The following DCC variants were observed in gnomAD, a reference collection of about 807,000 sequenced individuals.
The protein encoded by DCC is netrin receptor DCC.
In DCC, 58 loss-of-function variants were observed where a neutral mutation model predicts 172.5. That is an observed-to-expected ratio of 0.34 (90% CI 0.27 to 0.42). The LOEUF is 0.42. Among genes scored for constraint, DCC ranks in the 10% least tolerant of loss-of-function variants. The probability of loss-of-function intolerance (pLI) is 1.00; values close to 1 mark genes in which losing one functional copy is unlikely to be tolerated. For synonymous variants in DCC, 709 were observed against 644.5 expected, an observed-to-expected ratio of 1.10 and a Z score of -1.52; for missense variants, 1,740 against 1,791.0, an observed-to-expected ratio of 0.97 and a Z score of 0.51.
chr18:52,891,499 G>T (rs1216970269), intron 2 of DCC, among the ~76,000 whole-genome samples: 1 of 151,906 alleles, frequency 6.6e-6, no homozygotes, highest in East Asian at 1.9e-4. Context: ...AAACCTTGGG[G>T]GTCAACCTCT....
chr18:52,489,345 T>A (rs948794109), intron 1 of DCC, among the ~76,000 whole-genome samples: 12 of 152,136 alleles, frequency 7.9e-5, no homozygotes, highest in Non-Finnish European at 2.9e-5. Context: ...GACCTCAGTT[T>A]TCTACAATTA....
chr18:53,015,802 T>C (rs540104988), intron 5 of DCC, among the ~76,000 whole-genome samples: 20 of 152,224 alleles, frequency 1.3e-4, no homozygotes, highest in Non-Finnish European at 2.2e-4. Flanking sequence ...GAATTTTGAG[T>C]AAACTTATGT....
intron 7 of DCC, among the ~76,000 whole-genome samples, chr18:53,084,361 G>C (rs188307058): frequency 2.8e-4 from 42 of 152,132 alleles, no homozygotes; most frequent in Non-Finnish European, 5.4e-4. Context: ...ATCTCTCAAA[G>C]GACCCTCCCT....
At chr18:53,382,067 A>AC (rs1907789527) in intron 15 of DCC, among the ~76,000 whole-genome samples, 1 of 73,796 alleles carries the variant, frequency 1.4e-5, no homozygotes, top group East Asian at 3.8e-4. Context: ...CTGATTAAAA[A>AC]CAACACACAC....
chr18:52,971,387 T>C (rs1272541189), intron 5 of DCC, among the ~76,000 whole-genome samples: 1 of 152,100 alleles, frequency 6.6e-6, no homozygotes, highest in East Asian at 1.9e-4. Flanking sequence ...CCTATGACTC[T>C]AGTTAGTAGA....
At position 53,056,589 on chromosome 18, in the gene DCC, C is replaced by T. The variant is rs139115449; in HGVS notation, c.986-6716C>T. ...AGAGGTAGCCCAATTTGGCAGCAAA[C>T]TCATCCTAGACATTTGGTGTGATTA... On this transcript the variant is annotated intron_variant, in intron 5 of 28. Coordinates refer to ENST00000442544, the MANE Select transcript of DCC (RefSeq NM_005215.4). Among the ~76,000 whole-genome samples, 134 of 152,230 alleles carry T rather than the reference C, an allele frequency of 8.8e-4. 1 individual carries two copies. The highest frequency in any genetic ancestry group is 3.1e-3 in the African/African-American group (128 of 41,546).
chr18:52,457,812 A>G (rs1245338989), intron 1 of DCC, among the ~76,000 whole-genome samples: 1 of 152,208 alleles, frequency 6.6e-6, no homozygotes, highest in Non-Finnish European at 1.5e-5. Context: ...TTAATGTTAC[A>G]TTATCACTCA....
chr18:53,110,962 T>C (rs540320025), intron 7 of DCC, among the ~76,000 whole-genome samples: 198 of 120,596 alleles, frequency 1.6e-3, no homozygotes, highest in African/African-American at 5.9e-3. Context: ...ATGTTTATTG[T>C]GGCACTATTC....
At chr18:52,682,345 G>T (rs1842633128) in intron 1 of DCC, among the ~76,000 whole-genome samples, 1 of 152,042 alleles carries the variant, frequency 6.6e-6, no homozygotes, top group Non-Finnish European at 1.5e-5. Context: ...ATCCTGCTGG[G>T]ATAAAACATG....
At chr18:53,149,311 T>A (rs1051605701) in intron 7 of DCC, among the ~76,000 whole-genome samples, 1 of 152,162 alleles carries the variant, frequency 6.6e-6, no homozygotes, top group Non-Finnish European at 1.5e-5. Flanking sequence ...ATGCTAGGTA[T>A]GGTGAGCAGC....
At chr18:53,465,389 A>C (rs1024838561) in intron 24 of DCC, among the ~76,000 whole-genome samples, 32 of 152,240 alleles carry the variant, frequency 2.1e-4, no homozygotes, top group African/African-American at 6.7e-4. Flanking sequence ...CTCTTTTAGC[A>C]CTTGAAAAAT....
intron 2 of DCC, among the ~76,000 whole-genome samples, chr18:52,845,944 C>A (rs1184697953): frequency 1.3e-5 from 2 of 152,148 alleles, no homozygotes; most frequent in Non-Finnish European, 2.9e-5. Context: ...ACTTAAGTTT[C>A]CTTTTACTGT....
At chr18:53,061,466 G>A (rs1404496992) in intron 5 of DCC, among the ~76,000 whole-genome samples, 2 of 152,108 alleles carry the variant, frequency 1.3e-5, no homozygotes, top group African/African-American at 4.8e-5. Context: ...TAGACATAAT[G>A]ATTTCAGAAA....
intron 7 of DCC, among the ~76,000 whole-genome samples, chr18:53,150,531 C>A (rs898656615): frequency 2.0e-5 from 3 of 152,184 alleles, no homozygotes; most frequent in African/African-American, 7.2e-5. Context: ...ATCACAACAA[C>A]AATAACAAAA....
intron 7 of DCC, among the ~76,000 whole-genome samples, chr18:53,066,627 G>A (rs987914409): frequency 6.6e-6 from 1 of 151,024 alleles, no homozygotes; most frequent in African/African-American, 2.4e-5. Flanking sequence ...TTATATATGT[G>A]CATATATACG....
At chr18:52,990,278 C>T (rs999755398) in intron 5 of DCC, among the ~76,000 whole-genome samples, 11 of 152,144 alleles carry the variant, frequency 7.2e-5, no homozygotes, top group African/African-American at 1.9e-4. Context: ...CAGTGGCTCA[C>T]GCCTGTAATC....
chr18:53,501,384 A>G (rs1263657069), intron 27 of DCC, among the ~76,000 whole-genome samples: 2 of 152,198 alleles, frequency 1.3e-5, no homozygotes, highest in African/African-American at 4.8e-5. Context: ...AAATTTTAGA[A>G]ACTCATTTGT....
intron 5 of DCC, among the ~76,000 whole-genome samples, chr18:53,055,353 G>T (rs1011861742): frequency 1.3e-5 from 2 of 152,082 alleles, no homozygotes; most frequent in Non-Finnish European, 2.9e-5. Context: ...TTACACCTGT[G>T]TCAGGAAAAA....
At chr18:52,481,946 T>G (rs1598852628) in intron 1 of DCC, among the ~76,000 whole-genome samples, 1 of 152,146 alleles carries the variant, frequency 6.6e-6, no homozygotes, top group Non-Finnish European at 1.5e-5. Context: ...TAAAATGTAT[T>G]GTTACTTTCC....
Sources: gnomAD v4.1 joint callset for allele counts (sites outside exome capture counted in the v4.1 genomes callset) on GRCh38, gnomAD v4.1.1 for gene constraint, MANE v1.5 for transcripts, NCBI Gene and HGNC (gene_info 2026-07-23, HGNC 2026-07-21) for gene names.